LRMDA: variants seen among roughly 807,000 people sequenced by gnomAD.
LRMDA encodes the protein leucine rich melanocyte differentiation associated.
In LRMDA, 18 loss-of-function variants were observed where a neutral mutation model predicts 29.8. The ratio of observed to expected loss-of-function variants is 0.60; its 90% CI spans 0.42 to 0.90. The LOEUF is 0.90. Among genes scored for constraint, LRMDA ranks in the 40% least tolerant of loss-of-function variants. LRMDA has a pLI of 0.00. For missense variants in LRMDA, 273 were observed against 273.9 expected (o/e 1.00, Z 0.02); for synonymous variants, 125 against 109.4 (o/e 1.14, Z -0.89).
chr10:75,887,401 A>G (rs1233137474), intron 2 of LRMDA, among the ~76,000 whole-genome samples: 2 of 152,152 alleles, frequency 1.3e-5, no homozygotes, highest in African/African-American at 2.4e-5. Flanking sequence ...AGACTCTTCT[A>G]TGAATTAAAC....
intron 2 of LRMDA, among the ~76,000 whole-genome samples, chr10:75,467,960 A>T (rs1053049893): frequency 7.1e-6 from 1 of 141,642 alleles, no homozygotes; most frequent in Non-Finnish European, 1.5e-5. Flanking sequence ...ACTCCGTCAC[A>T]CACACACACA....
At chr10:76,304,367 G>T (rs934085549) in intron 5 of LRMDA, among the ~76,000 whole-genome samples, 7 of 152,172 alleles carry the variant, frequency 4.6e-5, no homozygotes, top group Admixed American at 4.6e-4. Context: ...TCCTTTGTTT[G>T]TTCTAAACAC....
intron 5 of LRMDA, among the ~76,000 whole-genome samples, chr10:76,307,695 A>G (rs970824260): frequency 2.6e-5 from 4 of 152,136 alleles, no homozygotes; most frequent in African/African-American, 9.7e-5. Context: ...ATTTTGTTGG[A>G]ACTTACAGGA....
At chr10:76,241,608 A>G (rs916539988) in intron 5 of LRMDA, among the ~76,000 whole-genome samples, 1 of 152,152 alleles carries the variant, frequency 6.6e-6, no homozygotes, top group African/African-American at 2.4e-5. Context: ...GTGTTTCCAG[A>G]TGCAGCGGAA....
chr10:76,553,408 A>T (rs1843518363), intron 6 of LRMDA, among the ~76,000 whole-genome samples: 1 of 152,234 alleles, frequency 6.6e-6, no homozygotes, highest in Non-Finnish European at 1.5e-5. Context: ...GCGGGTTCCC[A>T]AATTCCAGCC....
intron 6 of LRMDA, among the ~76,000 whole-genome samples, chr10:76,467,531 T>C (rs1842576347): frequency 1.3e-5 from 2 of 152,338 alleles, no homozygotes; most frequent in Admixed American, 6.5e-5. Flanking sequence ...TCAGTATTTA[T>C]GGAGTGTAGC....
chr10:76,371,063 A>G (rs1314052680), intron 6 of LRMDA, among the ~76,000 whole-genome samples: 1 of 152,242 alleles, frequency 6.6e-6, no homozygotes, highest in Non-Finnish European at 1.5e-5. Flanking sequence ...GCACATTCCA[A>G]GATGAGATGC....
intron 5 of LRMDA, among the ~76,000 whole-genome samples, chr10:76,148,684 G>T (rs4345907): frequency 2.0e-5 from 3 of 152,074 alleles, no homozygotes; most frequent in Admixed American, 2.0e-4. Flanking sequence ...TGCACAGTGC[G>T]CTGCACCCAC....
chr10:76,016,517 G>A (rs554307031), intron 2 of LRMDA, among the ~76,000 whole-genome samples: 1 of 152,106 alleles, frequency 6.6e-6, no homozygotes, highest in African/African-American at 2.4e-5. Flanking sequence ...CGAGTTTTCT[G>A]ACTAAATGCT....
intron 5 of LRMDA, among the ~76,000 whole-genome samples, chr10:76,184,624 T>G (rs1250665422): frequency 2.0e-5 from 3 of 152,116 alleles, no homozygotes; most frequent in African/African-American, 7.2e-5. Context: ...GCCTGGTGGG[T>G]CTGGGTATAG....
chr10:76,188,645 A>G (rs994897009), intron 5 of LRMDA, among the ~76,000 whole-genome samples: 1 of 378 alleles, frequency 2.6e-3, no homozygotes, highest in African/African-American at 9.3e-3. Context: ...GGGGTTTAGC[A>G]CTCACGTTCT....
chr10:75,913,544 T>C (rs1396426648), intron 2 of LRMDA, among the ~76,000 whole-genome samples: 1 of 152,182 alleles, frequency 6.6e-6, no homozygotes, highest in Non-Finnish European at 1.5e-5. Flanking sequence ...TAAAGTCTCA[T>C]AGGTCATGCG....
At chr10:76,377,226 A>G (rs535284102) in intron 6 of LRMDA, among the ~76,000 whole-genome samples, 2 of 151,708 alleles carry the variant, frequency 1.3e-5, no homozygotes, top group Admixed American at 6.6e-5. Flanking sequence ...TCCTTTGCCT[A>G]CCTTTTAATG....
chr10:75,556,694 T>C (rs1396401039), intron 2 of LRMDA, among the ~76,000 whole-genome samples: 2 of 138,566 alleles, frequency 1.4e-5, no homozygotes, highest in Non-Finnish European at 3.2e-5. Context: ...GCATGTATAG[T>C]ATATATGACA....
chr10:76,030,558 A>T (rs1358950458), intron 2 of LRMDA, among the ~76,000 whole-genome samples: 3 of 152,192 alleles, frequency 2.0e-5, no homozygotes, highest in Non-Finnish European at 2.9e-5. Context: ...TGGGAGGCTG[A>T]GGGGGGCGGA....
intron 3 of LRMDA, 104 bp downstream of exon 3, chr10:76,036,238 G>C (rs1365970866): frequency 7.1e-6 from 8 of 1,125,820 alleles, no homozygotes; most frequent in Non-Finnish European, 9.8e-6. Context: ...TGAGTTTTAC[G>C]TGTCAGCTAA....
intron 6 of LRMDA, among the ~76,000 whole-genome samples, chr10:76,379,464 T>C (rs535466658): frequency 1.3e-5 from 2 of 152,186 alleles, no homozygotes; most frequent in Non-Finnish European, 2.9e-5. Flanking sequence ...TTGGGGGTTA[T>C]ATATTTATCG....
intron 6 of LRMDA, among the ~76,000 whole-genome samples, chr10:76,541,350 A>C (rs911294247): frequency 3.3e-5 from 5 of 152,072 alleles, no homozygotes. Flanking sequence ...AAAATACCAA[A>C]ATTAGCCAGG....
chr10:76,463,176 C>T (rs565940099), intron 6 of LRMDA, among the ~76,000 whole-genome samples: 4 of 152,218 alleles, frequency 2.6e-5, no homozygotes, highest in South Asian at 4.2e-4. Flanking sequence ...AAGGCAGTCC[C>T]GTGGAAGAGC....
Sources: allele counts gnomAD v4.1 joint callset (sites outside exome capture counted in the v4.1 genomes callset), GRCh38; gene constraint gnomAD v4.1.1; transcripts MANE v1.5; gene names NCBI Gene and HGNC (gene_info 2026-07-23, HGNC 2026-07-21).